The following PRKCQ variants were observed in gnomAD, a reference collection of about 807,000 sequenced individuals.
PRKCQ encodes protein kinase C theta.
Under a neutral mutation model 91.2 loss-of-function variants are expected in PRKCQ, and 41 were observed. The observed-to-expected ratio is 0.45, with a 90% CI of 0.35 to 0.58. PRKCQ has a LOEUF of 0.58. Ranked by LOEUF, PRKCQ falls within the 20% of genes least tolerant of loss-of-function variation. The pLI is 0.00. For missense variants in PRKCQ, 673 were observed against 896.5 expected, an observed-to-expected ratio of 0.75 and a Z score of 3.18; for synonymous variants, 307 against 316.9, an observed-to-expected ratio of 0.97 and a Z score of 0.33.
At chr10:6,575,319 C>G (rs1841189132) in intron 1 of PRKCQ, among the ~76,000 whole-genome samples, 1 of 152,176 alleles carries the variant, frequency 6.6e-6, no homozygotes. Context: ...GTCCTGGGAA[C>G]TTGTCCTGCT....
chr10:6,507,549 T>A lies in PRKCQ; in HGVS notation c.319-53A>T, dbSNP rs1838260085. The stretch of plus-strand genomic sequence containing the variant: ...GTCAGAATGTGAAACAAGCCCTGAG[T>A]TCAATGACATCACTGGCTACTGACG... On this transcript the variant is annotated intron_variant, in intron 3 of 17. Coordinates refer to ENST00000263125, the MANE Select transcript of PRKCQ (RefSeq NM_006257.5). 3 of 1,461,980 alleles carry A rather than the reference T, an allele frequency of 2.1e-6. No homozygotes were observed. The East Asian group carries it at 6.8e-5, about 33-fold the overall frequency. 90.6% of individuals were successfully genotyped at this position (1,461,980 alleles called of 1,614,324 possible). A position where few individuals can be genotyped will look rare whatever the true frequency, so the allele number is the denominator to read the frequency against.
intron 1 of PRKCQ, among the ~76,000 whole-genome samples, chr10:6,542,991 C>A (rs934756474): frequency 6.6e-6 from 1 of 152,218 alleles, no homozygotes; most frequent in Non-Finnish European, 1.5e-5. Flanking sequence ...CCACTGCCAT[C>A]ACGTCCTTTC....
At chr10:6,571,814 A>C (rs1460402751) in intron 1 of PRKCQ, among the ~76,000 whole-genome samples, 1 of 151,910 alleles carries the variant, frequency 6.6e-6, no homozygotes, top group Non-Finnish European at 1.5e-5. Flanking sequence ...AAAAACAAAC[A>C]AACAAACAAA....
chr10:6,534,292 T>A (rs61618158), intron 1 of PRKCQ, among the ~76,000 whole-genome samples: 2,496 of 152,164 alleles, frequency 0.016, 56 homozygotes, highest in African/African-American at 0.058. Context: ...AAATAGAAAA[T>A]AATTATTCTG....
intron 12 of PRKCQ, among the ~76,000 whole-genome samples, chr10:6,467,425 G>C (rs1835745904): frequency 2.6e-5 from 3 of 117,020 alleles, no homozygotes; most frequent in Non-Finnish European, 5.7e-5. Flanking sequence ...GAGAGAGAGA[G>C]AGAGAGATGG....
intron 16 of PRKCQ, among the ~76,000 whole-genome samples, chr10:6,432,002 CA>C (rs2132229783): frequency 6.6e-6 from 1 of 152,300 alleles, no homozygotes; most frequent in East Asian, 1.9e-4. Flanking sequence ...CATTAAGAAA[CA>C]GGAGAGTCTA....
In PRKCQ at chr10:6,568,171, C is replaced by T. The variant is rs150819317; in HGVS notation, c.-10+12040G>A. Among the ~76,000 whole-genome samples the T allele has an allele frequency of 4.7e-4, 72 of 152,056 alleles. 1 individual carries two copies. The highest frequency in any genetic ancestry group is 3.9e-3 in the Admixed American group (59 of 15,282). ...CGGAGGTTGCAGTGAGCTGTGACCA[C>T]GCCACTGCATTCCAGCCTGGGTGAC... On this transcript the variant is annotated intron_variant, in intron 1 of 17. Transcript: ENST00000263125.
chr10:6,521,899 T>G (rs781570102), intron 1 of PRKCQ, among the ~76,000 whole-genome samples: 6 of 133,204 alleles, frequency 4.5e-5, no homozygotes, highest in African/African-American at 1.5e-4. Context: ...TATGTTATGT[T>G]ATGTGATGTT....
chr10:6,521,607 A>AT (rs1839004431), intron 1 of PRKCQ, among the ~76,000 whole-genome samples: 2 of 152,182 alleles, frequency 1.3e-5, no homozygotes, highest in Admixed American at 6.5e-5. Context: ...ACTCTGATAT[A>AT]TTTTCTAATG....
At chr10:6,426,761 G>A (rs1833133867), downstream of PRKCQ, among the ~76,000 whole-genome samples, 3 of 152,152 alleles carry the variant, frequency 2.0e-5, no homozygotes, top group South Asian at 4.1e-4. Flanking sequence ...AGGTAGGCTA[G>A]TGACTCCGAA....
the PRKCQ span, among the ~76,000 whole-genome samples, chr10:6,397,777 T>C: frequency 3.9e-5 from 6 of 152,080 alleles, no homozygotes; most frequent in Non-Finnish European, 7.4e-5. Context: ...TACAAAAAAT[T>C]AGGCGGGCAC....
chr10:6,515,338 C>T, intron 1 of PRKCQ, 194 bp from the exon 2 acceptor site: 1 of 1,486,242 alleles, frequency 6.7e-7, no homozygotes, highest in Non-Finnish European at 8.8e-7. Flanking sequence ...CACACACTGA[C>T]TTGCTGAGGG....
the PRKCQ span, among the ~76,000 whole-genome samples, chr10:6,412,523 T>C: frequency 1.3e-5 from 2 of 152,180 alleles, no homozygotes; most frequent in Non-Finnish European, 2.9e-5. Context: ...ACCAAAACAC[T>C]TGGTTCTCGA....
chr10:6,486,190 T>C (rs1564342011), intron 8 of PRKCQ, 46 bp from the exon 9 acceptor site: 1 of 1,502,252 alleles, frequency 6.7e-7, no homozygotes. Context: ...AAGAACCCCC[T>C]GGTGCTAAAC....
the PRKCQ span, among the ~76,000 whole-genome samples, chr10:6,412,228 A>C: frequency 2.0e-5 from 3 of 152,204 alleles, no homozygotes. Flanking sequence ...AGTGACTTTT[A>C]AATGTGATGG....
chr10:6,425,519 G>A (rs1833095877), downstream of PRKCQ, among the ~76,000 whole-genome samples: 1 of 152,026 alleles, frequency 6.6e-6, no homozygotes, highest in Non-Finnish European at 1.5e-5. Context: ...ACCGCACCTG[G>A]CCAGGTCTCT....
chr10:6,442,042 AC>A lies in PRKCQ; in HGVS notation c.1686del (p.Trp562CysfsTer12). On this transcript the variant is annotated frameshift_variant, in exon 16 of 18. Coordinates refer to ENST00000263125, the MANE Select transcript of PRKCQ (RefSeq NM_006257.5). LOFTEE classifies it high-confidence loss of function. ...LGQKYNHSVD[W>X]WSFGVLLYEM... ...TCATAAAGGAGAACCCCGAAGGACCACCAGTCCACAGAGTGGTTGTATTTCT... is the reference window on the plus strand; with the variant it reads ...TCATAAAGGAGAACCCCGAAGGACCACAGTCCACAGAGTGGTTGTATTTCT... 2.5e-6 allele frequency: 4 copies of A among 1,614,138 alleles called. No individual in the cohort carries two copies. The highest frequency in any genetic ancestry group is 3.4e-6 in the Non-Finnish European group (4 of 1,180,010).
rs1835628882 is a variant in PRKCQ at position 6,465,968 on chromosome 10, A to T, written c.1354-1564T>A. Among the ~76,000 whole-genome samples, 1 of 152,160 alleles carries T rather than the reference A, an allele frequency of 6.6e-6. No homozygotes were observed. Among genetic ancestry groups the T allele is most frequent in the South Asian group, 2.1e-4 (1 of 4,828 alleles). On this transcript the variant is annotated intron_variant, in intron 12 of 17. Transcript: ENST00000263125. This position sits in a 1 kb window ranked among gnomAD's most constrained non-coding sequence, Gnocchi z 4.4. ...GTCGTCATTGGCTTTGCCTGCACAC[A>T]CCTGCTTTCTCATGCTACCTCTTGC...
chr10:6,464,707 C>T (rs1353768537), intron 12 of PRKCQ, among the ~76,000 whole-genome samples: 1 of 152,204 alleles, frequency 6.6e-6, no homozygotes, highest in Non-Finnish European at 1.5e-5. Flanking sequence ...CTTGGCCTCC[C>T]AAAGTGCTGG....
Sources: gnomAD v4.1 joint callset for allele counts (sites outside exome capture counted in the v4.1 genomes callset) on GRCh38, gnomAD v4.1.1 for gene constraint, Gnocchi (gnomAD v3.1) non-coding constraint, MANE v1.5 for transcripts, NCBI Gene and HGNC (gene_info 2026-07-23, HGNC 2026-07-21) for gene names.